OR51B5: variants seen among roughly 807,000 people sequenced by gnomAD.
OR51B5 encodes olfactory receptor family 51 subfamily B member 5, also known as olfactory receptor 51B5.
For missense variants in OR51B5, 456 were observed against 374.6 expected (o/e 1.22, Z -1.79); for synonymous variants, 186 against 144.8 (o/e 1.28, Z -2.04).
intron 1 of OR51B5, among the ~76,000 whole-genome samples, chr11:5,476,729 A>C (rs1851311537): frequency 6.6e-6 from 1 of 152,228 alleles, no homozygotes; most frequent in African/African-American, 2.4e-5. Flanking sequence ...TTGACTTACT[A>C]GTTGTGTTAT....
intron 1 of OR51B5, among the ~76,000 whole-genome samples, chr11:5,460,733 A>G (rs12292180): frequency 0.32 from 48,013 of 152,092 alleles, 8,090 homozygotes; most frequent in Non-Finnish European, 0.36. Flanking sequence ...TGAAGTTGCT[A>G]TCCTTTCAAC....
intron 1 of OR51B5, among the ~76,000 whole-genome samples, chr11:5,353,597 G>T (rs200931846): frequency 1.3e-5 from 2 of 152,162 alleles, no homozygotes; most frequent in Non-Finnish European, 2.9e-5. Context: ...GGGGGTTTGT[G>T]GTCCTATGGC....
intron 1 of OR51B5, among the ~76,000 whole-genome samples, chr11:5,394,384 C>A (rs1367492371): frequency 2.0e-5 from 3 of 152,116 alleles, no homozygotes; most frequent in Non-Finnish European, 4.4e-5. Context: ...GATTCAACAA[C>A]AACAACAAAC....
At chr11:5,423,254 AT>A (rs1850385891) in intron 1 of OR51B5, 1 of 1,390,152 alleles carries the variant, frequency 7.2e-7, no homozygotes, top group African/African-American at 1.5e-5. Context: ...TCATCATAAT[AT>A]TAAGGCAGTA....
chr11:5,478,305 C>T (rs1272281169), intron 1 of OR51B5, among the ~76,000 whole-genome samples: 10 of 151,676 alleles, frequency 6.6e-5, no homozygotes, highest in Admixed American at 5.9e-4. Flanking sequence ...AGGGTCCTGT[C>T]TGTTAGAAGG....
chr11:5,384,646 G>A (rs752390251), intron 1 of OR51B5, among the ~76,000 whole-genome samples: 1 of 152,094 alleles, frequency 6.6e-6, no homozygotes, highest in African/African-American at 2.4e-5. Context: ...CGAGCCATCT[G>A]GTATACACAC....
chr11:5,440,524 G>A, intron 1 of OR51B5: 1 of 1,382,688 alleles, frequency 7.2e-7, no homozygotes, highest in Non-Finnish European at 1.0e-6. Context: ...TTGTTAACAT[G>A]TCCCAATCCT....
chr11:5,396,372 T>A (rs922205901), intron 1 of OR51B5, among the ~76,000 whole-genome samples: 7 of 152,178 alleles, frequency 4.6e-5, no homozygotes, highest in African/African-American at 1.7e-4. Flanking sequence ...TTCAGCAAAG[T>A]CTCAGGATAC....
chr11:5,399,649 G>T (rs143671691), intron 1 of OR51B5, among the ~76,000 whole-genome samples: 1 of 151,896 alleles, frequency 6.6e-6, no homozygotes, highest in Admixed American at 6.6e-5. Flanking sequence ...AAGCTAAAAT[G>T]CTCTTGTCAA....
At chr11:5,453,958 T>A (rs781462758) in intron 1 of OR51B5, 1 of 1,614,110 alleles carries the variant, frequency 6.2e-7, no homozygotes. Context: ...ATCACCCTTT[T>A]CCCTCTTCCC....
At chr11:5,419,055 G>T (rs193113954) in intron 1 of OR51B5, among the ~76,000 whole-genome samples, 20 of 152,090 alleles carry the variant, frequency 1.3e-4, no homozygotes, top group Admixed American at 1.2e-3. Flanking sequence ...TGACATCTGA[G>T]GACTTACTTT....
chr11:5,472,262 C>T (rs1291194484), intron 1 of OR51B5, among the ~76,000 whole-genome samples: 1 of 152,044 alleles, frequency 6.6e-6, no homozygotes, highest in East Asian at 1.9e-4. Context: ...ATAAAAATTA[C>T]CTTAAATCAC....
At chr11:5,499,692 C>T (rs1851692043) in intron 1 of OR51B5, among the ~76,000 whole-genome samples, 1 of 152,112 alleles carries the variant, frequency 6.6e-6, no homozygotes, top group Non-Finnish European at 1.5e-5. Context: ...ATCAGCAAGC[C>T]CTTTCTACCA....
At chr11:5,413,797 C>A (rs1013341052) in intron 1 of OR51B5, among the ~76,000 whole-genome samples, 1 of 151,872 alleles carries the variant, frequency 6.6e-6, no homozygotes, top group Admixed American at 6.5e-5. Flanking sequence ...AAGACCAAAT[C>A]TACATCTGAT....
intron 1 of OR51B5, among the ~76,000 whole-genome samples, chr11:5,488,258 C>T (rs948333615): frequency 6.6e-6 from 1 of 152,044 alleles, no homozygotes; most frequent in Non-Finnish European, 1.5e-5. Context: ...GGGAAGGCCT[C>T]TGGGAAGCAG....
At chr11:5,476,382 T>C (rs974435389) in intron 1 of OR51B5, among the ~76,000 whole-genome samples, 1 of 152,190 alleles carries the variant, frequency 6.6e-6, no homozygotes, top group African/African-American at 2.4e-5. Context: ...ACCTAGGTAC[T>C]CTTAGCTGTT....
chr11:5,459,963 C>T (rs1043747981), intron 1 of OR51B5, among the ~76,000 whole-genome samples: 1 of 152,068 alleles, frequency 6.6e-6, no homozygotes, highest in Non-Finnish European at 1.5e-5. Context: ...ATAGCAAAGA[C>T]ATGGAATCAA....
At position 5,460,697 on chromosome 11, in the gene OR51B5, G is replaced by C. The variant is rs191568987; in HGVS notation, n.84+44872C>G. On this transcript the variant is annotated intron_variant and non_coding_transcript_variant, in intron 1 of 4. Coordinates refer to the OR51B5 transcript ENST00000415970. ...GAATTCTTTCCCTGGTTCTTTCTCTGCGTTGGCTGATGTTCCCTTAATCTT... is the reference window on the plus strand; with the variant it reads ...GAATTCTTTCCCTGGTTCTTTCTCTCCGTTGGCTGATGTTCCCTTAATCTT... Among the ~76,000 whole-genome samples, 281 of 152,336 alleles carry C rather than the reference G, an allele frequency of 1.8e-3. 2 individuals carry two copies. The highest frequency in any genetic ancestry group is 3.3e-3 in the Admixed American group (50 of 15,294).
chr11:5,420,924 T>C (rs11037405), intron 1 of OR51B5, among the ~76,000 whole-genome samples: 13,273 of 152,274 alleles, frequency 0.087, 756 homozygotes, highest in South Asian at 0.15. Context: ...CCCCTTGAAA[T>C]TGATGCACAA....
Sources: gnomAD v4.1 joint callset for allele counts (sites outside exome capture counted in the v4.1 genomes callset) on GRCh38, gnomAD v4.1.1 for gene constraint, MANE v1.5 for transcripts, NCBI Gene and HGNC (gene_info 2026-07-23, HGNC 2026-07-21) for gene names.